The following TBC1D32 variants were observed in gnomAD, a reference collection of about 807,000 sequenced individuals.
TBC1D32 encodes the protein protein broad-minded.
Under a neutral mutation model 170.3 loss-of-function variants are expected in TBC1D32, and 151 were observed. That is an observed-to-expected ratio of 0.89 (90% CI 0.78 to 1.01). The LOEUF is 1.01. Ranked by LOEUF, TBC1D32 falls within the 50% of genes least tolerant of loss-of-function variation. TBC1D32 has a pLI of 0.00. For synonymous variants in TBC1D32, 498 were observed against 488.0 expected, an observed-to-expected ratio of 1.02 and a Z score of -0.27; for missense variants, 1,464 against 1,457.1, an observed-to-expected ratio of 1.00 and a Z score of -0.08.
intron 26 of TBC1D32, among the ~76,000 whole-genome samples, chr6:121,123,407 G>A (rs191485374): frequency 6.6e-6 from 1 of 152,070 alleles, no homozygotes; most frequent in African/African-American, 2.4e-5. Flanking sequence ...TTATGAATCT[G>A]GGTGCTCCAG....
At chr6:121,229,321 A>C (rs754818041) in intron 20 of TBC1D32, among the ~76,000 whole-genome samples, 2 of 152,000 alleles carry the variant, frequency 1.3e-5, no homozygotes, top group African/African-American at 2.4e-5. Context: ...ATGTCATTTA[A>C]AGTTTCTTTT....
chr6:121,150,188 T>A lies in TBC1D32; in HGVS notation c.2773+9822A>T, dbSNP rs144698135. The stretch of plus-strand genomic sequence containing the variant: ...TCTTATTATTTTGAGATACGTTCCA[T>A]CAATTCCTAGTTTATTAAAAGTTTT... On this transcript the variant is annotated intron_variant, in intron 24 of 31. Transcript: ENST00000398212. Among the ~76,000 whole-genome samples, 1,511 of 152,332 alleles carry A rather than the reference T, an allele frequency of 9.9e-3. 21 individuals are homozygous for A. The highest frequency in any genetic ancestry group is 0.034 in the African/African-American group (1,420 of 41,568).
At chr6:121,112,810 C>A in intron 28 of TBC1D32, 151 bp from the exon 29 acceptor site, 1 of 766,964 alleles carries the variant, frequency 1.3e-6, no homozygotes, top group Non-Finnish European at 1.9e-6. Flanking sequence ...TTAGACATGT[C>A]TGAAAATACA....
At chr6:121,086,768 A>G (rs1776304263) in intron 31 of TBC1D32, among the ~76,000 whole-genome samples, 1 of 152,184 alleles carries the variant, frequency 6.6e-6, no homozygotes, top group Admixed American at 6.5e-5. Context: ...CTGACAGCCT[A>G]TTAGCATGTT....
chr6:121,145,368 A>G (rs184055093), intron 24 of TBC1D32, among the ~76,000 whole-genome samples: 1 of 152,282 alleles, frequency 6.6e-6, no homozygotes, highest in African/African-American at 2.4e-5. Context: ...CCAGGCACAG[A>G]AAGAAAAACA....
chr6:121,242,170 C>T (rs1797068571), intron 18 of TBC1D32, 31 bp downstream of exon 18: 2 of 1,599,912 alleles, frequency 1.3e-6, no homozygotes, highest in Non-Finnish European at 1.7e-6. Flanking sequence ...CACAAAAATT[C>T]CCTTTGCCTT....
intron 24 of TBC1D32, among the ~76,000 whole-genome samples, chr6:121,136,458 GAAGA>G: frequency 6.6e-6 from 1 of 152,310 alleles, no homozygotes; most frequent in East Asian, 1.9e-4. Context: ...TCACAACTGA[GAAGA>G]GAGAGGGAGA....
At chr6:121,256,562 T>C (rs2128396871) in intron 15 of TBC1D32, among the ~76,000 whole-genome samples, 1 of 152,318 alleles carries the variant, frequency 6.6e-6, no homozygotes, top group Non-Finnish European at 1.5e-5. Flanking sequence ...AGATAAGTAT[T>C]GTCAATTCTA....
At chr6:121,294,497 G>T in intron 11 of TBC1D32, 73 bp downstream of exon 11, 1 of 1,093,588 alleles carries the variant, frequency 9.1e-7, no homozygotes. Flanking sequence ...AAAAATAAAA[G>T]TTCCTACTAA....
At chr6:121,274,574 T>C (rs1211585051) in intron 15 of TBC1D32, among the ~76,000 whole-genome samples, 2 of 151,038 alleles carry the variant, frequency 1.3e-5, no homozygotes, top group Non-Finnish European at 2.9e-5. Context: ...AAATTTACAA[T>C]GTCCATCAAT....
chr6:121,313,893 T>G (rs1808581015), intron 3 of TBC1D32, among the ~76,000 whole-genome samples: 2 of 152,088 alleles, frequency 1.3e-5, no homozygotes, highest in South Asian at 4.1e-4. Flanking sequence ...CTTTGAAGAT[T>G]TTAGTAGAGG....
intron 9 of TBC1D32, among the ~76,000 whole-genome samples, chr6:121,300,246 G>T (rs1023347883): frequency 6.6e-6 from 1 of 152,100 alleles, no homozygotes; most frequent in East Asian, 1.9e-4. Context: ...GTTCGAGTAT[G>T]GTCTCGAAAT....
chr6:121,215,066 A>C (rs1200693466), intron 21 of TBC1D32, among the ~76,000 whole-genome samples: 6 of 152,194 alleles, frequency 3.9e-5, no homozygotes, highest in Non-Finnish European at 8.8e-5. Context: ...GAGGAGATGC[A>C]CAGGCATAGC....
intron 17 of TBC1D32, among the ~76,000 whole-genome samples, chr6:121,243,809 A>G (rs1043629029): frequency 7.9e-5 from 12 of 151,488 alleles, no homozygotes; most frequent in African/African-American, 2.9e-4. Flanking sequence ...CAAAAAAAAA[A>G]CACAGACGCA....
At chr6:121,307,234 G>A (rs1583674021) in intron 5 of TBC1D32, among the ~76,000 whole-genome samples, 1 of 151,864 alleles carries the variant, frequency 6.6e-6, no homozygotes, top group African/African-American at 2.4e-5. Flanking sequence ...AATCAGCCAG[G>A]CATGGTAGTG....
chr6:121,143,287 G>T (rs1465241076), intron 24 of TBC1D32, among the ~76,000 whole-genome samples: 4 of 152,078 alleles, frequency 2.6e-5, no homozygotes, highest in Non-Finnish European at 4.4e-5. Context: ...CACAGAGAAT[G>T]TATAGATCAA....
At chr6:121,171,356 T>C (rs1786970373) in intron 22 of TBC1D32, among the ~76,000 whole-genome samples, 1 of 151,278 alleles carries the variant, frequency 6.6e-6, no homozygotes, top group African/African-American at 2.4e-5. Flanking sequence ...TGTCAAGATT[T>C]TGTTTTGATC....
chr6:121,261,077 G>A (rs909401654), intron 15 of TBC1D32, among the ~76,000 whole-genome samples: 7 of 152,104 alleles, frequency 4.6e-5, no homozygotes, highest in African/African-American at 1.4e-4. Flanking sequence ...ACTGGGTGGG[G>A]TCTCCCTACA....
At chr6:121,303,830 A>C in intron 8 of TBC1D32, 69 bp from the exon 9 acceptor site, 1 of 1,070,424 alleles carries the variant, frequency 9.3e-7, no homozygotes, top group Non-Finnish European at 1.3e-6. Flanking sequence ...TATTCATGGA[A>C]TGATAAAGTA....
Sources: allele counts gnomAD v4.1 joint callset (sites outside exome capture counted in the v4.1 genomes callset), GRCh38; gene constraint gnomAD v4.1.1; transcripts MANE v1.5; gene names NCBI Gene and HGNC (gene_info 2026-07-23, HGNC 2026-07-21).